The following UGT1A9 variants were observed in gnomAD, a reference collection of about 807,000 sequenced individuals.
UGT1A9 encodes the protein UDP glucuronosyltransferase family 1 member A9.
UGT1A9 carries 35 observed loss-of-function variants against 45.0 expected under a neutral mutation model. That is an observed-to-expected ratio of 0.78 (90% CI 0.59 to 1.03). The LOEUF is 1.03. Ranked by LOEUF, UGT1A9 falls within the 50% of genes least tolerant of loss-of-function variation. The probability of loss-of-function intolerance (pLI) is 0.00; values close to 1 mark genes in which losing one functional copy is unlikely to be tolerated. For missense variants in UGT1A9, 687 were observed against 666.6 expected (o/e 1.03, Z -0.34); for synonymous variants, 278 against 250.6 (o/e 1.11, Z -1.03).
intron 1 of UGT1A9, chr2:233,721,987 C>T (rs1035516848): frequency 1.5e-5 from 4 of 261,572 alleles, no homozygotes; most frequent in Non-Finnish European, 2.3e-5. Flanking sequence ...GGTAGTTTCA[C>T]GAATGTCCTT....
intron 1 of UGT1A9, chr2:233,722,007 A>C: frequency 7.7e-6 from 2 of 258,328 alleles, no homozygotes; most frequent in Non-Finnish European, 1.5e-5. Context: ...TTAAGTGAAC[A>C]GGAAAACTGA....
At chr2:233,718,944 C>A (rs553189135) in intron 1 of UGT1A9, 3 of 1,614,178 alleles carry the variant, frequency 1.9e-6, no homozygotes, top group East Asian at 2.2e-5. Context: ...CAGCCCCTGG[C>A]TCAGCATGCG....
chr2:233,738,758 A>C (rs1324483464), intron 1 of UGT1A9, among the ~76,000 whole-genome samples: 1 of 152,234 alleles, frequency 6.6e-6, no homozygotes, highest in Non-Finnish European at 1.5e-5. Flanking sequence ...AGAAAAGAAA[A>C]ACCCATTTTA....
intron 1 of UGT1A9, among the ~76,000 whole-genome samples, chr2:233,727,196 C>T (rs77179634): frequency 0.034 from 5,111 of 152,210 alleles, 99 homozygotes; most frequent in African/African-American, 0.05. Flanking sequence ...CTGGGGTGAC[C>T]TCACTGACAC....
Position 233,769,467 on chromosome 2 carries a change from G to T in UGT1A9, c.1295+1028G>T. The T allele has an allele frequency of 6.2e-7, 1 of 1,602,902 alleles. No homozygotes were observed. On this transcript the variant is annotated intron_variant, in intron 4 of 4. Coordinates refer to ENST00000354728, the MANE Select transcript of UGT1A9 (RefSeq NM_021027.3). This position sits in a 1 kb window ranked among gnomAD's most constrained non-coding sequence, Gnocchi z 4.4. Reference sequence around the variant, plus strand: ...TGCACACGTGTGCATTCATATGCGTGTGTGTGTGTGTGCGTGTGTTTATGA... The same window carrying T: ...TGCACACGTGTGCATTCATATGCGTTTGTGTGTGTGTGCGTGTGTTTATGA...
chr2:233,722,457 A>G (rs2077013150), intron 1 of UGT1A9, among the ~76,000 whole-genome samples: 4 of 152,226 alleles, frequency 2.6e-5, no homozygotes, highest in South Asian at 4.1e-4. Flanking sequence ...CAAAGAAATA[A>G]CTGTGGAATT....
chr2:233,768,055 T>C, intron 3 of UGT1A9, 119 bp downstream of exon 3: 1 of 1,603,392 alleles, frequency 6.2e-7, no homozygotes, highest in Non-Finnish European at 8.5e-7. Context: ...ATATCCTACA[T>C]TGCTTTTTAT....
chr2:233,757,560 A>ATATATATATG (rs904896556), intron 1 of UGT1A9, among the ~76,000 whole-genome samples: 18 of 123,146 alleles, frequency 1.5e-4, no homozygotes, highest in African/African-American at 6.1e-4. Flanking sequence ...ATATATATAT[A>ATATATATATG]TGTATATATG....
chr2:233,712,420 A>G (rs1330088070), intron 1 of UGT1A9, among the ~76,000 whole-genome samples: 3 of 152,190 alleles, frequency 2.0e-5, no homozygotes, highest in African/African-American at 7.2e-5. Context: ...GCTTTACAAG[A>G]AATATCCTGG....
intron 1 of UGT1A9, among the ~76,000 whole-genome samples, chr2:233,720,633 T>C (rs2076877142): frequency 6.6e-6 from 1 of 152,112 alleles, no homozygotes; most frequent in South Asian, 2.1e-4. Context: ...ATTGAAATAG[T>C]ACTCTGGGAT....
chr2:233,727,191 G>T (rs764445830), intron 1 of UGT1A9, among the ~76,000 whole-genome samples: 1 of 152,118 alleles, frequency 6.6e-6, no homozygotes, highest in African/African-American at 2.4e-5. Flanking sequence ...CTTTGCTGGG[G>T]TGACCTCACT....
At chr2:233,767,265 T>G in intron 2 of UGT1A9, 100 bp downstream of exon 2, 2 of 1,588,600 alleles carry the variant, frequency 1.3e-6, no homozygotes. Flanking sequence ...GAACCTTAGA[T>G]TTGGCTTTTC....
intron 1 of UGT1A9, among the ~76,000 whole-genome samples, chr2:233,722,436 A>T (rs984316554): frequency 6.6e-5 from 10 of 152,092 alleles, no homozygotes; most frequent in African/African-American, 2.4e-4. Flanking sequence ...GAATTATTTG[A>T]TTGGTCTTCT....
chr2:233,730,859 C>T (rs532557812), intron 1 of UGT1A9, among the ~76,000 whole-genome samples: 75 of 152,214 alleles, frequency 4.9e-4, no homozygotes, highest in African/African-American at 1.5e-3. Context: ...CCAAACCCAC[C>T]CTACTGCACT....
intron 1 of UGT1A9, among the ~76,000 whole-genome samples, chr2:233,714,326 A>T (rs1163768805): frequency 6.6e-6 from 1 of 152,128 alleles, no homozygotes. Context: ...ACCACAGGAG[A>T]CCTAAGCACT....
intron 1 of UGT1A9, chr2:233,713,278 ACACT>A: frequency 6.2e-7 from 1 of 1,614,252 alleles, no homozygotes; most frequent in Non-Finnish European, 8.5e-7. Context: ...TTGCTGGGTC[ACACT>A]CAATCGTTCT....
At position 233,672,865 on chromosome 2, in the gene UGT1A9, GATTTGAC is replaced by G; in HGVS notation, c.855+81_855+87del. ...AAAAAAGGATTCTTTACTGAACTGTGATTTGACATTTTCATTTGTTTCATTTCAAATT... is the reference window on the plus strand; with the variant it reads ...AAAAAAGGATTCTTTACTGAACTGTGATTTTCATTTGTTTCATTTCAAATT... On this transcript the variant is annotated intron_variant, in intron 1 of 4. Transcript: ENST00000354728. The G allele has an allele frequency of 2.0e-6, 3 of 1,520,894 alleles. No individual in the cohort carries two copies. The Middle Eastern group carries it at 5.3e-4, about 270-fold the overall frequency. The allele number at this position is 1,520,894 out of a possible 1,614,324, so 94.2% of individuals were successfully genotyped here.
intron 1 of UGT1A9, among the ~76,000 whole-genome samples, chr2:233,676,357 G>A (rs909982063): frequency 6.6e-6 from 1 of 152,106 alleles, no homozygotes; most frequent in Non-Finnish European, 1.5e-5. Context: ...ATAAATATAG[G>A]ATTATAGCAA....
chr2:233,770,554 A>G (rs1700106811), intron 4 of UGT1A9: 1 of 152,026 alleles, frequency 6.6e-6, no homozygotes, highest in Non-Finnish European at 1.5e-5. Flanking sequence ...GCTATTTGGG[A>G]GGCTGAGGCA....
Sources: allele counts gnomAD v4.1 joint callset (sites outside exome capture counted in the v4.1 genomes callset), GRCh38; gene constraint gnomAD v4.1.1; non-coding constraint Gnocchi (gnomAD v3.1); transcripts MANE v1.5; gene names NCBI Gene and HGNC (gene_info 2026-07-23, HGNC 2026-07-21).